The following COMMD1 variants were observed in gnomAD, a reference collection of about 807,000 sequenced individuals.
The protein encoded by COMMD1 is copper metabolism domain containing 1.
COMMD1 carries 10 observed loss-of-function variants against 17.2 expected under a neutral mutation model. The ratio of observed to expected loss-of-function variants is 0.58; its 90% confidence interval spans 0.36 to 0.99. The LOEUF is 0.99. Ranked by LOEUF, COMMD1 falls within the 50% of genes least tolerant of loss-of-function variation. COMMD1 has a pLI of 0.01. For missense variants in COMMD1, 270 were observed against 231.8 expected, an observed-to-expected ratio of 1.17 and a Z score of -1.07; for synonymous variants, 97 against 91.6, an observed-to-expected ratio of 1.06 and a Z score of -0.34.
chr2:62,047,860 A>G (rs2103911075), intron 2 of COMMD1, among the ~76,000 whole-genome samples: 1 of 152,294 alleles, frequency 6.6e-6, no homozygotes, highest in Middle Eastern at 3.4e-3. Context: ...TAGATACATA[A>G]AATACTTACC....
intron 2 of COMMD1, among the ~76,000 whole-genome samples, chr2:62,110,417 T>C (rs780252070): frequency 6.6e-6 from 1 of 152,208 alleles, no homozygotes; most frequent in Non-Finnish European, 1.5e-5. Context: ...TGTCTACAAC[T>C]ATGCCTGGCA....
At chr2:62,107,710 T>C (rs928777146) in intron 2 of COMMD1, among the ~76,000 whole-genome samples, 2 of 152,208 alleles carry the variant, frequency 1.3e-5, no homozygotes, top group African/African-American at 4.8e-5. Context: ...CAGAATTTAC[T>C]TATAATGTGG....
At chr2:62,105,117 C>T (rs1672293611) in intron 2 of COMMD1, among the ~76,000 whole-genome samples, 1 of 146,638 alleles carries the variant, frequency 6.8e-6, no homozygotes, top group African/African-American at 2.5e-5. Flanking sequence ...AAGAGCAAAA[C>T]TCTGTCTCAA....
chr2:62,006,702 G>A (rs1017853915), intron 2 of COMMD1, among the ~76,000 whole-genome samples: 4 of 152,180 alleles, frequency 2.6e-5, no homozygotes, highest in Non-Finnish European at 4.4e-5. Flanking sequence ...ATAAATCACT[G>A]TGAGATCTGA....
intron 2 of COMMD1, among the ~76,000 whole-genome samples, chr2:62,058,275 C>G (rs1413108784): frequency 1.3e-5 from 2 of 152,128 alleles, no homozygotes; most frequent in African/African-American, 4.8e-5. Flanking sequence ...CATACTGATT[C>G]TTTTTTCATC....
chr2:61,933,664 G>C lies in COMMD1; in HGVS notation c.180+27806G>C, dbSNP rs114862819. Among the ~76,000 whole-genome samples the C allele has an allele frequency of 8.6e-3, 1,308 of 152,208 alleles. 18 individuals carry two copies. The highest frequency in any genetic ancestry group is 0.029 in the African/African-American group (1,224 of 41,528). ...TCACCAGGTACAGCCCCTCAACCTT[G>C]GACTTTGCAGCTTCCAAAACTGTGA... On this transcript the variant is annotated intron_variant, in intron 1 of 2. Coordinates refer to ENST00000311832, the MANE Select transcript of COMMD1 (RefSeq NM_152516.4).
chr2:61,909,143 G>GTCCCGAGC (rs1226568756), intron 1 of COMMD1, among the ~76,000 whole-genome samples: 1 of 151,728 alleles, frequency 6.6e-6, no homozygotes, highest in African/African-American at 2.4e-5. Flanking sequence ...GGTCAGGCTG[G>GTCCCGAGC]TCCCGAGCTC....
At chr2:62,019,708 G>T (rs1669560211) in intron 2 of COMMD1, among the ~76,000 whole-genome samples, 1 of 152,184 alleles carries the variant, frequency 6.6e-6, no homozygotes, top group South Asian at 2.1e-4. Context: ...CAATCCACAT[G>T]TCATCACTGT....
intron 2 of COMMD1, among the ~76,000 whole-genome samples, chr2:62,050,438 G>C (rs1025872686): frequency 1.3e-5 from 2 of 152,040 alleles, no homozygotes; most frequent in African/African-American, 4.8e-5. Context: ...TATCCTAAGC[G>C]CCAATTAAAA....
intron 1 of COMMD1, among the ~76,000 whole-genome samples, chr2:61,956,412 ATT>A (rs1408294479): frequency 2.0e-5 from 3 of 146,404 alleles, no homozygotes; most frequent in Non-Finnish European, 3.0e-5. Flanking sequence ...TCCTTGTAAA[ATT>A]TTTTTTTTTT....
At position 61,953,130 on chromosome 2, in the gene COMMD1, C is replaced by G. The variant is rs181785986; in HGVS notation, c.180+47272C>G. 7.9e-5 allele frequency among the ~76,000 whole-genome samples: 12 copies of G among 151,918 alleles called. No individual in the cohort carries two copies. In the East Asian group the frequency reaches 2.3e-3, roughly 29 times the overall value. ...GTTTAAGTGATTCTCCTGCCTCAGC[C>G]TCCTGAGTAGCTGGGATTACAGGGG... is the stretch of plus-strand genomic sequence containing the variant. On this transcript the variant is annotated intron_variant, in intron 1 of 2. Coordinates refer to ENST00000311832, the MANE Select transcript of COMMD1 (RefSeq NM_152516.4).
chr2:61,991,307 A>G (rs1367134871), intron 1 of COMMD1, among the ~76,000 whole-genome samples: 1 of 152,230 alleles, frequency 6.6e-6, no homozygotes, highest in African/African-American at 2.4e-5. Context: ...AGAATTTTAT[A>G]AAGCAAGAAG....
chr2:61,955,755 G>A (rs1255568622), intron 1 of COMMD1, among the ~76,000 whole-genome samples: 3 of 151,974 alleles, frequency 2.0e-5, no homozygotes, highest in African/African-American at 4.8e-5. Flanking sequence ...GCACGACCTC[G>A]GCTCACTGCA....
chr2:61,990,889 A>AATATATAT (rs1553376465), intron 1 of COMMD1, among the ~76,000 whole-genome samples: 4 of 98,226 alleles, frequency 4.1e-5, no homozygotes, highest in Non-Finnish European at 8.4e-5. Context: ...AAAAAAAAAA[A>AATATATAT]AAATATATAT....
intron 1 of COMMD1, among the ~76,000 whole-genome samples, chr2:61,985,035 G>A (rs1476187639): frequency 6.8e-6 from 1 of 146,210 alleles, no homozygotes; most frequent in Non-Finnish European, 1.5e-5. Context: ...TTTAGTCTAT[G>A]TGTGTCTTTT....
intron 1 of COMMD1, among the ~76,000 whole-genome samples, chr2:61,951,236 G>A (rs865997975): frequency 2.6e-5 from 4 of 152,104 alleles, no homozygotes; most frequent in African/African-American, 9.7e-5. Flanking sequence ...GGTGGAGGCG[G>A]GTGGATAGGT....
chr2:62,095,134 C>A (rs927773449), intron 2 of COMMD1, among the ~76,000 whole-genome samples: 4 of 152,150 alleles, frequency 2.6e-5, no homozygotes, highest in African/African-American at 4.8e-5. Context: ...AATGAAGACA[C>A]CTGCATTGGA....
At chr2:61,968,777 C>A (rs562847052) in intron 1 of COMMD1, among the ~76,000 whole-genome samples, 18 of 152,016 alleles carry the variant, frequency 1.2e-4, no homozygotes, top group Non-Finnish European at 2.2e-4. Context: ...AGGCTGGTTT[C>A]AAATTCCTGA....
rs5831628 is a variant in COMMD1, at chr2:62,128,950, T to TAA, written c.463-6863_463-6862dup. ...CTGGGCAACAGAGCGAAACTCCATC[T>TAA]AAAAAAAAAAAAAAAAAAATCAGTA... On this transcript the variant is annotated intron_variant, in intron 2 of 2. Transcript: ENST00000311832. Among the ~76,000 whole-genome samples the TAA allele has an allele frequency of 6.9e-5, 9 of 130,382 alleles. 1 individual carries two copies. Among genetic ancestry groups the TAA allele is most frequent in the South Asian group, 5.0e-4 (2 of 4,004 alleles). 85.5% of individuals were successfully genotyped at this position (130,382 alleles called of 152,430 possible).
Sources: gnomAD v4.1 joint callset for allele counts (sites outside exome capture counted in the v4.1 genomes callset) on GRCh38, gnomAD v4.1.1 for gene constraint, MANE v1.5 for transcripts, NCBI Gene and HGNC (gene_info 2026-07-23, HGNC 2026-07-21) for gene names.